Variants in IL7 observed in about 807,000 individuals in gnomAD.
IL7 encodes interleukin-7.
IL7 carries 3 observed loss-of-function variants against 21.6 expected under a neutral mutation model. The ratio of observed to expected loss-of-function variants is 0.14; its 90% CI spans 0.06 to 0.36. IL7 has a LOEUF of 0.36. Among genes scored for constraint, IL7 ranks in the 10% least tolerant of loss-of-function variants. The pLI is 1.00. For synonymous variants in IL7, 62 were observed against 68.1 expected, an observed-to-expected ratio of 0.91 and a Z score of 0.44; for missense variants, 175 against 200.2, an observed-to-expected ratio of 0.87 and a Z score of 0.76.
intron 2 of IL7, among the ~76,000 whole-genome samples, chr8:78,753,664 A>G (rs2130740993): frequency 6.6e-6 from 1 of 152,212 alleles, no homozygotes; most frequent in Non-Finnish European, 1.5e-5. Flanking sequence ...TATGTCGTGA[A>G]TGGTATTGCC....
intron 2 of IL7, among the ~76,000 whole-genome samples, chr8:78,773,864 G>A (rs1367522903): frequency 6.6e-6 from 1 of 152,090 alleles, no homozygotes; most frequent in African/African-American, 2.4e-5. Flanking sequence ...GAGGAACAAA[G>A]GCAGAAAAAT....
chr8:78,804,526 C>A (rs1478291836), intron 1 of IL7, among the ~76,000 whole-genome samples: 2 of 152,178 alleles, frequency 1.3e-5, no homozygotes, highest in African/African-American at 4.8e-5. Flanking sequence ...GAACCCGGGC[C>A]GCCTGCGTGA....
chr8:78,800,489 C>T (rs1209127778), intron 1 of IL7, among the ~76,000 whole-genome samples: 4 of 152,084 alleles, frequency 2.6e-5, no homozygotes, highest in East Asian at 3.9e-4. Flanking sequence ...TTTTAGCAGA[C>T]GGCTCTTACT....
chr8:78,758,155 T>A (rs544291865), intron 2 of IL7, among the ~76,000 whole-genome samples: 132 of 152,192 alleles, frequency 8.7e-4, no homozygotes, highest in African/African-American at 2.8e-3. Flanking sequence ...TCTTTACCCA[T>A]GATGTGAATT....
intron 3 of IL7, chr8:78,686,331 T>C: frequency 2.7e-6 from 2 of 740,208 alleles, no homozygotes; most frequent in Non-Finnish European, 3.8e-6. Context: ...AAATTATAAA[T>C]TTGAGAAGGA....
At chr8:78,774,606 A>G (rs1372441885) in intron 2 of IL7, among the ~76,000 whole-genome samples, 1 of 152,122 alleles carries the variant, frequency 6.6e-6, no homozygotes, top group Admixed American at 6.6e-5. Flanking sequence ...TGTGCTTCTC[A>G]TTTAACTTAC....
At chr8:78,739,978 C>T (rs1311183302) in intron 3 of IL7, 24 bp downstream of exon 3, 2 of 1,496,116 alleles carry the variant, frequency 1.3e-6, no homozygotes, top group Non-Finnish European at 1.8e-6. Context: ...GCTTGAATGA[C>T]AAACTCCAAA....
rs528121864 is a variant in IL7 at position 78,691,317 on chromosome 8, T to C, written n.215-5370A>G. 5.9e-5 allele frequency among the ~76,000 whole-genome samples: 9 copies of C among 152,312 alleles called. No homozygotes were observed. In the South Asian group the frequency reaches 1.9e-3, roughly 32 times the overall value. ...TTGTTTGCATAGCATTTATAAATTG[T>C]TACATCTTCCCCATTTATTGGCACT... On this transcript the variant is annotated intron_variant and non_coding_transcript_variant, in intron 3 of 4. Coordinates refer to the IL7 transcript ENST00000523959.
intron 2 of IL7, among the ~76,000 whole-genome samples, chr8:78,763,775 A>C (rs1248242378): frequency 6.6e-6 from 1 of 152,210 alleles, no homozygotes; most frequent in Non-Finnish European, 1.5e-5. Flanking sequence ...GCTCCACACT[A>C]TCTGACAGTG....
downstream of IL7, among the ~76,000 whole-genome samples, chr8:78,716,411 C>T (rs1811104811): frequency 6.6e-6 from 1 of 152,116 alleles, no homozygotes; most frequent in Admixed American, 6.5e-5. Context: ...GTGTGAGCCA[C>T]CGCACCCGGC....
At chr8:78,770,036 A>G (rs1439835130) in intron 2 of IL7, among the ~76,000 whole-genome samples, 3 of 152,220 alleles carry the variant, frequency 2.0e-5, no homozygotes, top group African/African-American at 7.2e-5. Context: ...AAAATAATTC[A>G]AGATGGATTA....
At chr8:78,728,376 T>C (rs1437035956), downstream of IL7, among the ~76,000 whole-genome samples, 1 of 151,928 alleles carries the variant, frequency 6.6e-6, no homozygotes, top group East Asian at 1.9e-4. Flanking sequence ...TCTAGAAATG[T>C]TATAAAGCCA....
intron 2 of IL7, among the ~76,000 whole-genome samples, chr8:78,750,839 A>G (rs776595741): frequency 4.6e-5 from 7 of 152,254 alleles, no homozygotes; most frequent in Non-Finnish European, 8.8e-5. Flanking sequence ...AAGAAAATAA[A>G]TAAAGTCTAT....
intron 2 of IL7, among the ~76,000 whole-genome samples, chr8:78,775,788 ACTGGGGGGGCG>A (rs1436453387): frequency 1.3e-5 from 2 of 152,044 alleles, no homozygotes; most frequent in Non-Finnish European, 2.9e-5. Flanking sequence ...TCATAAGGTA[ACTGGGGGGGCG>A]CTTAGAAGTA....
downstream of IL7, chr8:78,715,112 G>T: frequency 2.2e-6 from 2 of 896,476 alleles, no homozygotes; most frequent in East Asian, 5.5e-5. Flanking sequence ...TTAATCTTTT[G>T]AACTTCTCTG....
Position 78,733,450 on chromosome 8 carries a change from T to C in IL7, c.*263A>G, listed in dbSNP as rs1276801150. On this transcript the variant is annotated 3_prime_UTR_variant, in exon 6 of 6. Coordinates refer to ENST00000263851, the MANE Select transcript of IL7 (RefSeq NM_000880.4). ...AACTGATACCTTACATGGATTGTCT[T>C]ACAAAAATCAGTACAGAATTATACT... 3.6e-6 allele frequency: 1 copy of C among 280,796 alleles called. No individual in the cohort carries two copies. Among genetic ancestry groups the C allele is most frequent in the Non-Finnish European group, 6.6e-6 (1 of 152,096 alleles). The allele number at this position is 280,796 out of a possible 1,614,324, so 17.4% of individuals were successfully genotyped here.
rs1814287622 is a variant in IL7, at chr8:78,805,136, G to A, written c.-214C>T. ...GGCACACACTACGGCGTGGCTCTGC[G>A]CTTTGCCTTTTCCATAACTTCCGTA... On this transcript the variant is annotated 5_prime_UTR_variant, in exon 1 of 6. Coordinates refer to ENST00000263851, the MANE Select transcript of IL7 (RefSeq NM_000880.4). The A allele has an allele frequency of 7.7e-6, 4 of 518,474 alleles. No individual in the cohort carries two copies. The South Asian group carries it at 1.1e-4, about 15-fold the overall frequency. 32.1% of individuals were successfully genotyped at this position (518,474 alleles called of 1,614,324 possible).
chr8:78,756,061 C>A (rs941617533), intron 2 of IL7, among the ~76,000 whole-genome samples: 2 of 151,806 alleles, frequency 1.3e-5, no homozygotes, highest in Non-Finnish European at 2.9e-5. Flanking sequence ...ATATCAAATG[C>A]TTTTTTTCTG....
At chr8:78,712,822 G>C (rs1810992065) in intron 3 of IL7, among the ~76,000 whole-genome samples, 1 of 152,076 alleles carries the variant, frequency 6.6e-6, no homozygotes, top group South Asian at 2.1e-4. Flanking sequence ...ACCTATTAAT[G>C]GTGGAAAATA....
Sources: gnomAD v4.1 joint callset for allele counts (sites outside exome capture counted in the v4.1 genomes callset) on GRCh38, gnomAD v4.1.1 for gene constraint, MANE v1.5 for transcripts, NCBI Gene and HGNC (gene_info 2026-07-23, HGNC 2026-07-21) for gene names.